The following PEBP4 variants were observed in gnomAD, a reference collection of about 807,000 sequenced individuals.
PEBP4 encodes the protein phosphatidylethanolamine-binding protein 4.
Under a neutral mutation model 23.9 loss-of-function variants are expected in PEBP4, and 22 were observed. The observed-to-expected ratio is 0.92, with a 90% CI of 0.66 to 1.31. The LOEUF is 1.31. Ranked by LOEUF, PEBP4 falls within the 40% of genes most tolerant of loss-of-function variation. The probability of loss-of-function intolerance (pLI) is 0.00; values close to 1 mark genes in which losing one functional copy is unlikely to be tolerated. For synonymous variants in PEBP4, 112 were observed against 99.3 expected, an observed-to-expected ratio of 1.13 and a Z score of -0.76; for missense variants, 324 against 281.7, an observed-to-expected ratio of 1.15 and a Z score of -1.07.
At chr8:22,752,964 C>T (rs73212874) in intron 4 of PEBP4, among the ~76,000 whole-genome samples, 3,054 of 152,306 alleles carry the variant, frequency 0.02, 47 homozygotes, top group Non-Finnish European at 0.028. Flanking sequence ...GAGACGTATT[C>T]CTGCTATGTC....
intron 3 of PEBP4, among the ~76,000 whole-genome samples, chr8:22,916,117 C>T (rs909716689): frequency 1.9e-4 from 29 of 152,302 alleles, no homozygotes; most frequent in African/African-American, 6.7e-4. Context: ...TGATTGGAAA[C>T]TCCAGGGAGA....
At chr8:22,737,879 A>G (rs1254617329) in intron 4 of PEBP4, among the ~76,000 whole-genome samples, 4 of 152,080 alleles carry the variant, frequency 2.6e-5, no homozygotes, top group Non-Finnish European at 4.4e-5. Flanking sequence ...GCGCCGTCCA[A>G]GTGTAAGGGT....
rs896511107 is a variant in PEBP4 at position 22,920,187 on chromosome 8, C to T, written c.255G>A (p.Val85=). ...MEPIVKFPGA[V]DGATYILVMV... ...TAACACAGCCCTGCTCACTCACGTC[C>T]ACGGCCCCCGGGAACTTGACTATCG... Residue 85 remains valine, a synonymous_variant, in exon 3 of 7, where the codon GTG becomes GTA. Coordinates refer to ENST00000256404, the MANE Select transcript of PEBP4 (RefSeq NM_144962.3). 6.2e-7 allele frequency: 1 copy of T among 1,611,512 alleles called. No homozygotes were observed. Among genetic ancestry groups the T allele is most frequent in the Admixed American group, 1.7e-5 (1 of 59,962 alleles).
intron 4 of PEBP4, among the ~76,000 whole-genome samples, chr8:22,779,141 T>C (rs1805870235): frequency 6.6e-6 from 1 of 151,982 alleles, no homozygotes; most frequent in African/African-American, 2.4e-5. Flanking sequence ...GCGCGTGTGA[T>C]GGTGCCCAGA....
intron 4 of PEBP4, among the ~76,000 whole-genome samples, chr8:22,779,396 A>G (rs1183206564): frequency 6.6e-6 from 1 of 152,154 alleles, no homozygotes; most frequent in Non-Finnish European, 1.5e-5. Context: ...GGAGGTGGTC[A>G]AGGGAGAGGT....
intron 3 of PEBP4, among the ~76,000 whole-genome samples, chr8:22,904,757 C>T (rs180945818): frequency 0.012 from 1,773 of 152,256 alleles, 16 homozygotes; most frequent in Non-Finnish European, 0.018. Context: ...TGGCTTCCTT[C>T]GCTTAAAAAT....
rs76998781 is a variant in PEBP4 at position 22,825,513 on chromosome 8, G to A, written c.259-7778C>T. ...GGGGTATAGACCTAGTAAAATGCCA[G>A]CCTTTAATAGGTGCCCATGAATGCT... On this transcript the variant is annotated intron_variant, in intron 3 of 6. Transcript: ENST00000256404. Among the ~76,000 whole-genome samples the A allele has an allele frequency of 7.4e-3, 1,129 of 152,314 alleles. 8 individuals carry two copies. The highest frequency in any genetic ancestry group is 0.026 in the African/African-American group (1,066 of 41,556).
intron 3 of PEBP4, among the ~76,000 whole-genome samples, chr8:22,828,614 C>T (rs547042644): frequency 3.9e-5 from 6 of 152,262 alleles, no homozygotes; most frequent in South Asian, 2.1e-4. Context: ...GTTGGGTAGA[C>T]GCCATTGCAC....
chr8:22,940,023 G>A (rs532274460), intron 1 of PEBP4, among the ~76,000 whole-genome samples: 117 of 152,334 alleles, frequency 7.7e-4, no homozygotes, highest in African/African-American at 2.8e-3. Flanking sequence ...GGTGCCTCAG[G>A]CAATCACCTG....
chr8:22,764,559 A>G (rs1228348938), intron 4 of PEBP4, among the ~76,000 whole-genome samples: 1 of 152,148 alleles, frequency 6.6e-6, no homozygotes, highest in African/African-American at 2.4e-5. Context: ...ATGTATATAT[A>G]TATTATAATA....
Position 22,746,196 on chromosome 8 carries a change from A to G in PEBP4, c.358-18976T>C, listed in dbSNP as rs112116032. Among the ~76,000 whole-genome samples the G allele has an allele frequency of 3.8e-3, 584 of 152,074 alleles. 7 individuals are homozygous for G. Among genetic ancestry groups the G allele is most frequent in the African/African-American group, 0.013 (540 of 41,494 alleles). On this transcript the variant is annotated intron_variant, in intron 4 of 6. Transcript: ENST00000256404. ...AAAGGACCACAGGGTCCTCCCTGTT[A>G]GATCTGCCCCAGGCCCAGTGGAACA... is the stretch of plus-strand genomic sequence containing the variant.
chr8:22,794,657 G>T (rs4872018), intron 4 of PEBP4, among the ~76,000 whole-genome samples: 90,663 of 151,980 alleles, frequency 0.6, 27,145 homozygotes, highest in South Asian at 0.71. Flanking sequence ...ACCGTATATT[G>T]CACATTTTTT....
At chr8:22,858,444 CT>C (rs1203546514) in intron 3 of PEBP4, among the ~76,000 whole-genome samples, 4 of 152,192 alleles carry the variant, frequency 2.6e-5, no homozygotes, top group Non-Finnish European at 5.9e-5. Flanking sequence ...TATATCCTCA[CT>C]GTCAAATGCT....
At chr8:22,781,109 C>T (rs1216991712) in intron 4 of PEBP4, among the ~76,000 whole-genome samples, 1 of 152,222 alleles carries the variant, frequency 6.6e-6, no homozygotes. Flanking sequence ...GACCCTTTGC[C>T]CCCTGCTGGA....
intron 3 of PEBP4, among the ~76,000 whole-genome samples, chr8:22,857,398 T>C (rs537002721): frequency 1.3e-5 from 2 of 152,250 alleles, no homozygotes; most frequent in Admixed American, 1.3e-4. Context: ...CCATCACCCA[T>C]TCCAGAAAAC....
chr8:22,725,595 C>T (rs1804608582), intron 5 of PEBP4, among the ~76,000 whole-genome samples: 1 of 152,146 alleles, frequency 6.6e-6, no homozygotes, highest in East Asian at 1.9e-4. Context: ...GGACATCCCT[C>T]ATTCTTTCCC....
In PEBP4 at chr8:22,745,849, G is replaced by A. The variant is rs113757385; in HGVS notation, c.358-18629C>T. 11 of 152,384 alleles carry A rather than the reference G, an allele frequency of 7.2e-5. No homozygotes were observed. The East Asian group carries it at 9.6e-4, about 13-fold the overall frequency. 9.4% of individuals were successfully genotyped at this position (152,384 alleles called of 1,614,324 possible). On this transcript the variant is annotated intron_variant, in intron 4 of 6. Transcript: ENST00000256404. ...CTCCCTCTGCCACAACAGCCCGCGA[G>A]GCAGGAAACTGAGGCTCAGGGAGGC...
chr8:22,775,218 C>T lies in PEBP4; in HGVS notation c.357+42419G>A, dbSNP rs1342227165. ...TCTTCCTTCTCCATATCAACTGGCC[C>T]CTTCTACCCGAGAAAGCTGCCTCTC... On this transcript the variant is annotated intron_variant, in intron 4 of 6. Transcript: ENST00000256404. The surrounding 1 kb of genome is among the most constrained non-coding windows in gnomAD (Gnocchi z 4.8). 6.6e-6 allele frequency among the ~76,000 whole-genome samples: 1 copy of T among 152,202 alleles called. No homozygotes were observed. Among genetic ancestry groups the T allele is most frequent in the Non-Finnish European group, 1.5e-5 (1 of 68,038 alleles).
intron 3 of PEBP4, among the ~76,000 whole-genome samples, chr8:22,873,362 C>T (rs1481126110): frequency 6.6e-6 from 1 of 152,156 alleles, no homozygotes; most frequent in Non-Finnish European, 1.5e-5. Flanking sequence ...GGCACAGTGG[C>T]TCATGCCTAT....
Sources: gnomAD v4.1 joint callset for allele counts (sites outside exome capture counted in the v4.1 genomes callset) on GRCh38, gnomAD v4.1.1 for gene constraint, Gnocchi (gnomAD v3.1) non-coding constraint, MANE v1.5 for transcripts, NCBI Gene and HGNC (gene_info 2026-07-23, HGNC 2026-07-21) for gene names.